RASGEF1C: variants seen among roughly 807,000 people sequenced by gnomAD.
The protein encoded by RASGEF1C is ras-GEF domain-containing family member 1C.
A neutral mutation model predicts 58.1 loss-of-function variants in RASGEF1C; 27 were observed. The observed-to-expected ratio is 0.46, with a 90% confidence interval of 0.34 to 0.64. The LOEUF (loss-of-function observed/expected upper bound fraction) is 0.64, where lower values mean the gene tolerates loss of function less well. Ranked by LOEUF, RASGEF1C falls within the 30% of genes least tolerant of loss-of-function variation. RASGEF1C has a pLI of 0.01. For synonymous variants in RASGEF1C, 243 were observed against 246.3 expected (o/e 0.99, Z 0.13); for missense variants, 502 against 605.1 (o/e 0.83, Z 1.79).
chr5:180,115,873 G>C (rs1766058539), intron 10 of RASGEF1C, among the ~76,000 whole-genome samples: 1 of 152,050 alleles, frequency 6.6e-6, no homozygotes, highest in Non-Finnish European at 1.5e-5. Flanking sequence ...TGGTGGGGGG[G>C]GATTGTGGGG....
At chr5:180,150,602 G>A (rs754044043) in intron 1 of RASGEF1C, among the ~76,000 whole-genome samples, 4 of 152,078 alleles carry the variant, frequency 2.6e-5, no homozygotes, top group Non-Finnish European at 5.9e-5. Context: ...GGCTGAGGTA[G>A]GCGGATCACC....
At chr5:180,148,374 C>T (rs898876603) in intron 1 of RASGEF1C, among the ~76,000 whole-genome samples, 3 of 92,058 alleles carry the variant, frequency 3.3e-5, no homozygotes, top group Non-Finnish European at 4.7e-5. Context: ...GGATTTACTC[C>T]TGCCATTTTG....
Position 180,202,466 on chromosome 5 carries a change from A to C in RASGEF1C, c.-7+6562T>G, listed in dbSNP as rs573330847. ...GTAAAATGATTAAACTTTAAAAATA[A>C]AGAAAAAAAATTCTTTGGAGCTCCA... is the stretch of plus-strand genomic sequence containing the variant. On this transcript the variant is annotated intron_variant, in intron 1 of 13. Coordinates refer to ENST00000361132, the MANE Select transcript of RASGEF1C (RefSeq NM_175062.4). 9.8e-5 allele frequency among the ~76,000 whole-genome samples: 15 copies of C among 152,334 alleles called. No homozygotes were observed. In the South Asian group the frequency reaches 2.7e-3, roughly 27 times the overall value.
intron 4 of RASGEF1C, among the ~76,000 whole-genome samples, chr5:180,133,685 G>T (rs1168150415): frequency 2.5e-4 from 38 of 152,248 alleles, no homozygotes; most frequent in Admixed American, 2.5e-3. Context: ...TTGTGGGAAA[G>T]CAAAATGTGT....
At chr5:180,184,491 C>T (rs926002310) in intron 1 of RASGEF1C, among the ~76,000 whole-genome samples, 6 of 152,072 alleles carry the variant, frequency 3.9e-5, no homozygotes, top group South Asian at 2.1e-4. Flanking sequence ...GCAGGAGAAT[C>T]GCTTGAACCC....
chr5:180,200,337 T>G (rs1581132393), intron 1 of RASGEF1C, among the ~76,000 whole-genome samples: 1 of 65,326 alleles, frequency 1.5e-5, no homozygotes, highest in Admixed American at 2.1e-4. Flanking sequence ...TGAGATAGAG[T>G]CCTGCTCTGT....
chr5:180,144,374 C>G (rs2113285280), intron 1 of RASGEF1C, among the ~76,000 whole-genome samples: 1 of 152,326 alleles, frequency 6.6e-6, no homozygotes, highest in South Asian at 2.1e-4. Flanking sequence ...AATCAGAGCC[C>G]TTTCTGCCCT....
At chr5:180,103,223 A>ACGC (rs1765822116) in intron 12 of RASGEF1C, among the ~76,000 whole-genome samples, 1 of 152,062 alleles carries the variant, frequency 6.6e-6, no homozygotes, top group Non-Finnish European at 1.5e-5. Flanking sequence ...GACTACAGGT[A>ACGC]CCCACCACCA....
chr5:180,205,501 C>T (rs1013245335), intron 1 of RASGEF1C, among the ~76,000 whole-genome samples: 1 of 152,062 alleles, frequency 6.6e-6, no homozygotes, highest in Non-Finnish European at 1.5e-5. Flanking sequence ...GCCAATTATC[C>T]TAAAGTTAAT....
chr5:180,152,480 G>A (rs1164978098), intron 1 of RASGEF1C, among the ~76,000 whole-genome samples: 10 of 147,342 alleles, frequency 6.8e-5, no homozygotes, highest in South Asian at 2.1e-4. Flanking sequence ...GCCAAACACT[G>A]CATGTTCTCA....
At chr5:180,192,681 C>G (rs6859090) in intron 1 of RASGEF1C, among the ~76,000 whole-genome samples, 1 of 151,302 alleles carries the variant, frequency 6.6e-6, no homozygotes, top group African/African-American at 2.4e-5. Context: ...AGTGACTATA[C>G]GTAGAAATGA....
intron 1 of RASGEF1C, among the ~76,000 whole-genome samples, chr5:180,195,205 G>A (rs115222247): frequency 8.6e-4 from 131 of 152,226 alleles, no homozygotes; most frequent in African/African-American, 3.0e-3. Context: ...TCCCGCCAGC[G>A]TCCCTGGAGC....
intron 1 of RASGEF1C, among the ~76,000 whole-genome samples, chr5:180,176,846 G>A (rs1012637145): frequency 1.2e-4 from 18 of 152,156 alleles, no homozygotes; most frequent in South Asian, 8.3e-4. Context: ...GTGAGCCACC[G>A]CGCCTGGTCC....
intron 6 of RASGEF1C, among the ~76,000 whole-genome samples, chr5:180,121,681 A>ACACACACACACACC (rs71892414): frequency 1.6e-4 from 12 of 73,466 alleles, no homozygotes; most frequent in African/African-American, 2.7e-4. Flanking sequence ...ACACACACAC[A>ACACACACACACACC]CCCTCATTAT....
intron 1 of RASGEF1C, among the ~76,000 whole-genome samples, chr5:180,180,163 A>G (rs1354151362): frequency 6.6e-6 from 1 of 152,208 alleles, no homozygotes. Flanking sequence ...CAGCGGGCAC[A>G]GCTGCCTCTC....
intron 12 of RASGEF1C, among the ~76,000 whole-genome samples, chr5:180,111,018 G>A (rs1443782415): frequency 1.3e-5 from 2 of 152,082 alleles, no homozygotes; most frequent in Non-Finnish European, 2.9e-5. Flanking sequence ...GTTTCAACAT[G>A]TTGGTTAGGC....
At chr5:180,195,929 ATTTATT>A (rs1309828535) in intron 1 of RASGEF1C, among the ~76,000 whole-genome samples, 1 of 152,110 alleles carries the variant, frequency 6.6e-6, no homozygotes, top group African/African-American at 2.4e-5. Context: ...ACACTTATTT[ATTTATT>A]TTTAAGGTAG....
intron 1 of RASGEF1C, among the ~76,000 whole-genome samples, chr5:180,167,822 A>G (rs1221549771): frequency 6.6e-6 from 1 of 152,252 alleles, no homozygotes; most frequent in East Asian, 1.9e-4. Flanking sequence ...ATGCTATGGA[A>G]TTCTGGGTCT....
chr5:180,172,335 C>T (rs1561750214), intron 1 of RASGEF1C, among the ~76,000 whole-genome samples: 2 of 152,204 alleles, frequency 1.3e-5, no homozygotes, highest in East Asian at 3.9e-4. Context: ...CATGCCTCCT[C>T]CTAGGCAGGA....
Sources: gnomAD v4.1 joint callset for allele counts (sites outside exome capture counted in the v4.1 genomes callset) on GRCh38, gnomAD v4.1.1 for gene constraint, MANE v1.5 for transcripts, NCBI Gene and HGNC (gene_info 2026-07-23, HGNC 2026-07-21) for gene names.